The following RPL32 variants were observed in gnomAD, a reference collection of about 807,000 sequenced individuals.
RPL32 encodes ribosomal protein L32, also known as large ribosomal subunit protein eL32.
For synonymous variants in RPL32, 61 were observed against 62.6 expected, an observed-to-expected ratio of 0.98 and a Z score of 0.12; for missense variants, 117 against 173.7, an observed-to-expected ratio of 0.67 and a Z score of 1.83.
intron 3 of RPL32, among the ~76,000 whole-genome samples, chr3:12,838,900 T>C (rs2062122686): frequency 6.6e-6 from 1 of 152,194 alleles, no homozygotes; most frequent in Admixed American, 6.5e-5. Context: ...CCCGCCCACC[T>C]TGGACACATA....
chr3:12,836,373 A>C, intron 3 of RPL32, 150 bp from the exon 4 acceptor site: 1 of 882,214 alleles, frequency 1.1e-6, no homozygotes, highest in Non-Finnish European at 1.7e-6. Flanking sequence ...CCAAATCCTG[A>C]CTATGGTTCC....
Position 12,841,488 on chromosome 3 carries a change from A to G in RPL32, c.-6+6T>C, listed in dbSNP as rs2124886808. The G allele has an allele frequency of 6.6e-6, 1 of 152,326 alleles. No homozygotes were observed. The highest frequency in any genetic ancestry group is 2.1e-4 in the South Asian group (1 of 4,828). 9.4% of individuals were successfully genotyped at this position (152,326 alleles called of 1,614,324 possible). A position where few individuals can be genotyped will look rare whatever the true frequency, so the allele number is the denominator to read the frequency against. ...GGAATGCGGATTGCCACGGATTAAC[A>G]CTTACCGAGAAGGAGATGGCTGCCA... On this transcript the variant is annotated splice_donor_region_variant and intron_variant, in intron 1 of 3. Transcript: ENST00000429711.
chr3:12,840,334 A>G (rs749996232), intron 1 of RPL32, 92 bp from the exon 2 acceptor site: 4 of 930,574 alleles, frequency 4.3e-6, no homozygotes, highest in African/African-American at 1.6e-5. Context: ...GTGTCTTCCA[A>G]TCGCCAGCTA....
In RPL32 at chr3:12,841,519, G is replaced by C. The variant is rs1402534415; in HGVS notation, c.-31C>G. ...CGAGAAGGAGATGGCTGCCACCTCC[G>C]TAGGCAGCGCCGAGGAAGAGAGAAG... On this transcript the variant is annotated 5_prime_UTR_variant, in exon 1 of 4. Coordinates refer to ENST00000429711, the MANE Select transcript of RPL32 (RefSeq NM_000994.4). The C allele has an allele frequency of 6.6e-6, 1 of 152,186 alleles. No homozygotes were observed. Among genetic ancestry groups the C allele is most frequent in the Non-Finnish European group, 1.5e-5 (1 of 68,034 alleles). The allele number at this position is 152,186 out of a possible 1,614,324, so 9.4% of individuals were successfully genotyped here.
intron 3 of RPL32, among the ~76,000 whole-genome samples, chr3:12,838,151 A>C (rs1432342471): frequency 6.6e-6 from 1 of 152,250 alleles, no homozygotes; most frequent in African/African-American, 2.4e-5. Context: ...TCATGCCTGT[A>C]ATCCCAGCAT....
intron 3 of RPL32, among the ~76,000 whole-genome samples, chr3:12,836,802 C>G (rs2062103718): frequency 6.6e-6 from 1 of 152,236 alleles, no homozygotes; most frequent in Admixed American, 6.5e-5. Context: ...GGCAGCTACA[C>G]TGTGCCCCAT....
Position 12,835,870 on chromosome 3 carries a change from G to T in RPL32, c.*224C>A. On this transcript the variant is annotated 3_prime_UTR_variant, in exon 4 of 4. Coordinates refer to ENST00000429711, the MANE Select transcript of RPL32 (RefSeq NM_000994.4). Reference sequence around the variant, plus strand: ...CTCATACCCAGCCTCAACTGGAGATGACTAAGGCTAGTCTGTGCACTTGAG... The same window carrying T: ...CTCATACCCAGCCTCAACTGGAGATTACTAAGGCTAGTCTGTGCACTTGAG... 3.7e-6 allele frequency: 2 copies of T among 542,552 alleles called. No individual in the cohort carries two copies. Among genetic ancestry groups the T allele is most frequent in the Non-Finnish European group, 6.5e-6 (2 of 305,394 alleles). The allele number at this position is 542,552 out of a possible 1,614,324, so 33.6% of individuals were successfully genotyped here.
chr3:12,837,250 T>C (rs773043669), intron 3 of RPL32, among the ~76,000 whole-genome samples: 4 of 152,164 alleles, frequency 2.6e-5, no homozygotes, highest in Non-Finnish European at 5.9e-5. Context: ...TCATTTTGAG[T>C]GGACCCACAA....
rs557587996 is a variant in RPL32 at position 12,835,986 on chromosome 3, T to A, written c.*108A>T. On this transcript the variant is annotated 3_prime_UTR_variant, in exon 4 of 4. Coordinates refer to ENST00000429711, the MANE Select transcript of RPL32 (RefSeq NM_000994.4). ...GGGGCTTAAGCAAAAGAACAATCTC[T>A]GTGGCAAACTAAGTTGGCCAAGAAG... is the stretch of plus-strand genomic sequence containing the variant. 7.4e-7 allele frequency: 1 copy of A among 1,349,590 alleles called. No homozygotes were observed. Among genetic ancestry groups the A allele is most frequent in the East Asian group, 2.3e-5 (1 of 43,438 alleles). 83.6% of individuals were successfully genotyped at this position (1,349,590 alleles called of 1,614,324 possible).
chr3:12,835,793 G>T lies in RPL32; in HGVS notation c.*301C>A. 1 of 281,760 alleles carries T rather than the reference G, an allele frequency of 3.5e-6. No individual in the cohort carries two copies. Among genetic ancestry groups the T allele is most frequent in the Non-Finnish European group, 6.7e-6 (1 of 149,406 alleles). 17.5% of individuals were successfully genotyped at this position (281,760 alleles called of 1,614,324 possible). On this transcript the variant is annotated 3_prime_UTR_variant, in exon 4 of 4. Transcript: ENST00000429711. ...ACTACTTGTGGCTTGGGAGCCACAA[G>T]CTTCTTCAAGTGTCTCAGAACCTAC...
rs1480539184 is a variant in RPL32, at chr3:12,835,209, A to C, written c.*885T>G. 1 of 152,266 alleles carries C rather than the reference A, an allele frequency of 6.6e-6. No homozygotes were observed. The highest frequency in any genetic ancestry group is 6.5e-5 in the Admixed American group (1 of 15,278). 9.4% of individuals were successfully genotyped at this position (152,266 alleles called of 1,614,324 possible). Reference sequence around the variant, plus strand: ...GGCTGAAGCAGGATTGCTTGAGCTCAGGAGTTCGGGAGCCTAGGCAACATG... The same window carrying C: ...GGCTGAAGCAGGATTGCTTGAGCTCCGGAGTTCGGGAGCCTAGGCAACATG... On this transcript the variant is annotated 3_prime_UTR_variant, in exon 4 of 4. Coordinates refer to ENST00000429711, the MANE Select transcript of RPL32 (RefSeq NM_000994.4).
At chr3:12,839,880 C>A (rs1170932087) in intron 2 of RPL32, among the ~76,000 whole-genome samples, 3 of 152,224 alleles carry the variant, frequency 2.0e-5, no homozygotes, top group Admixed American at 2.0e-4. Flanking sequence ...TGTCACAAGG[C>A]AACCCAAAAT....
chr3:12,838,764 C>T (rs946274537), intron 3 of RPL32, among the ~76,000 whole-genome samples: 8 of 152,172 alleles, frequency 5.3e-5, no homozygotes, highest in South Asian at 2.1e-4. Context: ...AACCAATTCT[C>T]GACGAGAAAC....
At position 12,835,796 on chromosome 3, in the gene RPL32, T is replaced by C; in HGVS notation, c.*298A>G. 3.5e-6 allele frequency: 1 copy of C among 287,544 alleles called. No individual in the cohort carries two copies. The highest frequency in any genetic ancestry group is 6.5e-6 in the Non-Finnish European group (1 of 152,936). The allele number at this position is 287,544 out of a possible 1,614,324, so 17.8% of individuals were successfully genotyped here. ...ACTTGTGGCTTGGGAGCCACAAGCT[T>C]CTTCAAGTGTCTCAGAACCTACCTG... On this transcript the variant is annotated 3_prime_UTR_variant, in exon 4 of 4. Transcript: ENST00000429711.
chr3:12,839,088 C>G (rs985088469), intron 3 of RPL32: 2 of 555,338 alleles, frequency 3.6e-6, no homozygotes, highest in African/African-American at 3.8e-5. Context: ...GCTATTATTG[C>G]AGTGTTCACA....
Position 12,835,877 on chromosome 3 carries a change from G to C in RPL32, c.*217C>G. On this transcript the variant is annotated 3_prime_UTR_variant, in exon 4 of 4. Transcript: ENST00000429711. Reference sequence around the variant, plus strand: ...CCAGCCTCAACTGGAGATGACTAAGGCTAGTCTGTGCACTTGAGGCCACAT... The same window carrying C: ...CCAGCCTCAACTGGAGATGACTAAGCCTAGTCTGTGCACTTGAGGCCACAT... The C allele has an allele frequency of 1.8e-6, 1 of 562,350 alleles. No individual in the cohort carries two copies. Among genetic ancestry groups the C allele is most frequent in the South Asian group, 2.0e-5 (1 of 49,440 alleles). 34.8% of individuals were successfully genotyped at this position (562,350 alleles called of 1,614,324 possible).
chr3:12,839,916 G>A (rs773376308), intron 2 of RPL32, among the ~76,000 whole-genome samples: 1 of 152,194 alleles, frequency 6.6e-6, no homozygotes, highest in Non-Finnish European at 1.5e-5. Context: ...AAAGCCCTCT[G>A]AACACATCAA....
rs151271733 is a variant in RPL32, at chr3:12,839,404, G to A, written c.223C>T (p.Arg75Trp). ...KTKHMLPSGF[R>W]KFLVHNVKEL... ...TTGACGTTGTGGACCAGGAACTTCC[G>A]GAAGCCACTGGGCAGCATGTGCTTT... The change falls in exon 3 of 4, where the codon CGG becomes TGG. Residue 75 changes from arginine (R) to tryptophan (W), a missense_variant. Arg to Trp is a moderately radical substitution (Grantham distance 101). Coordinates refer to ENST00000429711, the MANE Select transcript of RPL32 (RefSeq NM_000994.4). The A allele has an allele frequency of 4.0e-5, 65 of 1,614,016 alleles. No individual in the cohort carries two copies. The highest frequency in any genetic ancestry group is 8.3e-5 in the Admixed American group (5 of 60,004).
At chr3:12,837,579 C>T (rs931357682) in intron 3 of RPL32, among the ~76,000 whole-genome samples, 4 of 152,232 alleles carry the variant, frequency 2.6e-5, no homozygotes, top group East Asian at 1.9e-4. Flanking sequence ...TTAATTCCTT[C>T]GCCCATCTTT....
Sources: gnomAD v4.1 joint callset for allele counts (sites outside exome capture counted in the v4.1 genomes callset) on GRCh38, gnomAD v4.1.1 for gene constraint, MANE v1.5 for transcripts, NCBI Gene and HGNC (gene_info 2026-07-23, HGNC 2026-07-21) for gene names.